Variants in ITGA11 observed in about 807,000 individuals in gnomAD.
ITGA11 encodes integrin subunit alpha 11.
ITGA11 carries 97 observed loss-of-function variants against 141.9 expected under a neutral mutation model. That is an observed-to-expected ratio of 0.68 (90% CI 0.58 to 0.81). ITGA11 has a LOEUF of 0.81. ITGA11 is among the 30% of genes least tolerant of loss of function. ITGA11 has a pLI of 0.00. For missense variants in ITGA11, 1,387 were observed against 1,559.2 expected (o/e 0.89, Z 1.86); for synonymous variants, 658 against 624.6 (o/e 1.05, Z -0.80).
intron 2 of ITGA11, among the ~76,000 whole-genome samples, chr15:68,381,552 C>T (rs1299098394): frequency 4.1e-5 from 4 of 97,070 alleles, no homozygotes; most frequent in African/African-American, 1.2e-4. Flanking sequence ...GCAGAGACAG[C>T]ATTCCAATTT....
chr15:68,325,246 G>T lies in ITGA11; in HGVS notation c.2212-5C>A. The T allele has an allele frequency of 1.2e-6, 2 of 1,605,322 alleles. No homozygotes were observed. The highest frequency in any genetic ancestry group is 1.7e-4 in the Middle Eastern group (1 of 6,056). On this transcript the variant is annotated splice_region_variant and splice_polypyrimidine_tract_variant and intron_variant, in intron 17 of 29. Coordinates refer to ENST00000315757, the MANE Select transcript of ITGA11 (RefSeq NM_001004439.2). This position sits in a 1 kb window ranked among gnomAD's most constrained non-coding sequence, Gnocchi z 5.5. Reference sequence around the variant, plus strand: ...CTTCACGTAGTCAGCAGTGTCCTGGGGGGTGGAGATGAGGGCAGCGGTGAG... The same window carrying T: ...CTTCACGTAGTCAGCAGTGTCCTGGTGGGTGGAGATGAGGGCAGCGGTGAG...
At chr15:68,409,027 C>T (rs1896708482) in intron 1 of ITGA11, among the ~76,000 whole-genome samples, 1 of 152,234 alleles carries the variant, frequency 6.6e-6, no homozygotes, top group Non-Finnish European at 1.5e-5. Flanking sequence ...CTGGCACTGC[C>T]TGGTGCAGGA....
At chr15:68,395,213 G>T (rs953634517) in intron 2 of ITGA11, among the ~76,000 whole-genome samples, 12 of 152,210 alleles carry the variant, frequency 7.9e-5, no homozygotes, top group Non-Finnish European at 1.5e-5. Flanking sequence ...AAACCTCAAA[G>T]ATGGGGAGAA....
intron 1 of ITGA11, among the ~76,000 whole-genome samples, chr15:68,411,695 A>T (rs1896774295): frequency 6.6e-6 from 1 of 152,176 alleles, no homozygotes; most frequent in Non-Finnish European, 1.5e-5. Flanking sequence ...CTCTATATGC[A>T]CACCCTTTAC....
chr15:68,432,153 C>T lies in ITGA11; in HGVS notation c.-87G>A. On this transcript the variant is annotated 5_prime_UTR_variant, in exon 1 of 30. Transcript: ENST00000315757. The stretch of plus-strand genomic sequence containing the variant: ...GGCAGCCTCCTCGGCGCGGCGCCTG[C>T]AGCCTGCACTGCGCGGGGCGCCGGG... The T allele has an allele frequency of 1.0e-6, 1 of 972,286 alleles. No individual in the cohort carries two copies. The highest frequency in any genetic ancestry group is 3.9e-5 in the South Asian group (1 of 25,650). The allele number at this position is 972,286 out of a possible 1,614,324, so 60.2% of individuals were successfully genotyped here. A position where few individuals can be genotyped will look rare whatever the true frequency, so the allele number is the denominator to read the frequency against.
At chr15:68,395,305 A>G (rs1337460839) in intron 2 of ITGA11, among the ~76,000 whole-genome samples, 2 of 152,182 alleles carry the variant, frequency 1.3e-5, no homozygotes, top group Non-Finnish European at 2.9e-5. Context: ...CAGCAATGGA[A>G]CAAAGCTGGA....
rs34840804 is a variant in ITGA11, at chr15:68,306,022, T to TA, written c.3381+1325dup. On this transcript the variant is annotated intron_variant, in intron 28 of 29. Transcript: ENST00000315757. ...TAACACAGTGAAACCCTGTCTCTAC[T>TA]AAAAAAAAAAAAAAAAAATTAGCCA... Among the ~76,000 whole-genome samples the TA allele has an allele frequency of 5.0e-3, 641 of 128,038 alleles. 10 individuals are homozygous for TA. The highest frequency in any genetic ancestry group is 0.011 in the South Asian group (42 of 3,930). 84.0% of individuals were successfully genotyped at this position (128,038 alleles called of 152,430 possible).
In ITGA11 at chr15:68,325,498, C is replaced by A. The variant is rs1893946467; in HGVS notation, c.2212-257G>T. Reference sequence around the variant, plus strand: ...GCTGTTTTGCCAAGCTCCTGCACATCCTTCGGGGCCAGACTCCCATTGCCC... The same window carrying A: ...GCTGTTTTGCCAAGCTCCTGCACATACTTCGGGGCCAGACTCCCATTGCCC... On this transcript the variant is annotated intron_variant, in intron 17 of 29. Transcript: ENST00000315757. This position sits in a 1 kb window ranked among gnomAD's most constrained non-coding sequence, Gnocchi z 5.5. Among the ~76,000 whole-genome samples the A allele has an allele frequency of 6.6e-6, 1 of 152,208 alleles. No homozygotes were observed. Among genetic ancestry groups the A allele is most frequent in the Non-Finnish European group, 1.5e-5 (1 of 68,042 alleles).
At chr15:68,381,372 GC>G (rs2140376815) in intron 2 of ITGA11, among the ~76,000 whole-genome samples, 1 of 152,294 alleles carries the variant, frequency 6.6e-6, no homozygotes, top group South Asian at 2.1e-4. Flanking sequence ...AGGACAGGAT[GC>G]CCAACCAAGA....
At chr15:68,343,520 C>G (rs774029337) in intron 10 of ITGA11, among the ~76,000 whole-genome samples, 1 of 152,158 alleles carries the variant, frequency 6.6e-6, no homozygotes, top group Admixed American at 6.5e-5. Flanking sequence ...CCAGTAGTCA[C>G]GGAATTAGGA....
chr15:68,310,993 C>T lies in ITGA11; in HGVS notation c.3174+1G>A. The T allele has an allele frequency of 1.0e-5, 16 of 1,597,982 alleles. No homozygotes were observed. The highest frequency in any genetic ancestry group is 1.3e-5 in the African/African-American group (1 of 74,658). On this transcript the variant is annotated splice_donor_variant, in intron 26 of 29. Transcript: ENST00000315757. LOFTEE classifies it high-confidence loss of function. ...TGGCTCTCGGTCTGGGGGACACTCA[C>T]CAGCTGTGGAGCACGACGCAAGTCT... is the stretch of plus-strand genomic sequence containing the variant.
intron 7 of ITGA11, among the ~76,000 whole-genome samples, chr15:68,352,813 A>G (rs180878548): frequency 6.0e-5 from 9 of 150,914 alleles, no homozygotes; most frequent in Non-Finnish European, 1.2e-4. Flanking sequence ...CTCGACCGTC[A>G]ATTGGCAGAG....
chr15:68,392,326 G>A (rs1051558530), intron 2 of ITGA11, among the ~76,000 whole-genome samples: 5 of 152,230 alleles, frequency 3.3e-5, no homozygotes, highest in African/African-American at 1.2e-4. Flanking sequence ...CAGCAATCAA[G>A]GCAGAGCTCA....
At chr15:68,362,423 CTTTTT>C (rs1248968745) in intron 4 of ITGA11, among the ~76,000 whole-genome samples, 1 of 152,150 alleles carries the variant, frequency 6.6e-6, no homozygotes, top group Non-Finnish European at 1.5e-5. Flanking sequence ...TAATTACTTT[CTTTTT>C]AAGCTCAGAT....
rs765237462 is a variant in ITGA11, at chr15:68,332,012, A to G, written c.1617T>C (p.Asn539=). 1.2e-6 allele frequency: 2 copies of G among 1,611,662 alleles called. No individual in the cohort carries two copies. The highest frequency in any genetic ancestry group is 2.2e-5 in the South Asian group (2 of 90,370). The change falls in exon 14 of 30, where the codon AAT becomes AAC. Residue 539 remains asparagine, a synonymous_variant. Transcript: ENST00000315757. ...GTLKDSHSYQ[N]ARFGSSIASV... ...AGGCAATGGAGGACCCAAATCGGGCATTCTGGTAACTGTGTGAATCCTTTA... is the reference window on the plus strand; with the variant it reads ...AGGCAATGGAGGACCCAAATCGGGCGTTCTGGTAACTGTGTGAATCCTTTA...
chr15:68,344,031 G>T (rs1394829682), intron 10 of ITGA11, among the ~76,000 whole-genome samples: 16 of 152,166 alleles, frequency 1.1e-4, no homozygotes, highest in Admixed American at 1.0e-3. Context: ...AGAGTTGGTT[G>T]CCTCCTGTCA....
chr15:68,317,457 C>T (rs968289129), intron 20 of ITGA11, 94 bp from the exon 21 acceptor site: 1 of 857,154 alleles, frequency 1.2e-6, no homozygotes, highest in African/African-American at 1.7e-5. Flanking sequence ...CCCCACTCTG[C>T]AGGGGCCGCC....
chr15:68,318,073 G>C (rs1361194942), intron 20 of ITGA11, among the ~76,000 whole-genome samples: 2 of 152,168 alleles, frequency 1.3e-5, no homozygotes, highest in Non-Finnish European at 2.9e-5. Context: ...TTCTCTACTA[G>C]AGTTCCCCTT....
chr15:68,317,276 C>T lies in ITGA11; in HGVS notation c.2704G>A (p.Ala902Thr), dbSNP rs760999061. ...TCCCCAGTCTCAACCTTGGCCTTGG[C>T]CCGGAAGAAGGGATAGCTGACGTTG... The part of the protein sequence containing the change: ...VCNVSYPFFR[A>T]KAKVAFRLDF... Residue 902 changes from alanine (A) to threonine (T), a missense_variant, in exon 21 of 30, where the codon GCC becomes ACC. Physicochemically the swap from Ala to Thr is moderately conservative, Grantham distance 58. Coordinates refer to ENST00000315757, the MANE Select transcript of ITGA11 (RefSeq NM_001004439.2). 3 of 1,612,488 alleles carry T rather than the reference C, an allele frequency of 1.9e-6. No individual in the cohort carries two copies. The highest frequency in any genetic ancestry group is 4.5e-5 in the East Asian group (2 of 44,882).
Sources: allele counts gnomAD v4.1 joint callset (sites outside exome capture counted in the v4.1 genomes callset), GRCh38; gene constraint gnomAD v4.1.1; non-coding constraint Gnocchi (gnomAD v3.1); transcripts MANE v1.5; gene names NCBI Gene and HGNC (gene_info 2026-07-23, HGNC 2026-07-21).